The following CERS6 variants were observed in gnomAD, a reference collection of about 807,000 sequenced individuals.
The protein encoded by CERS6 is ceramide synthase 6.
In CERS6, 26 loss-of-function variants were observed where a neutral mutation model predicts 56.8. That is an observed-to-expected ratio of 0.46 (90% confidence interval 0.34 to 0.63). CERS6 has a LOEUF of 0.63. Ranked by LOEUF, CERS6 falls within the 30% of genes least tolerant of loss-of-function variation. The pLI is 0.01. For missense variants in CERS6, 415 were observed against 467.5 expected, an observed-to-expected ratio of 0.89 and a Z score of 1.04; for synonymous variants, 164 against 173.3, an observed-to-expected ratio of 0.95 and a Z score of 0.42.
chr2:168,660,001 G>A (rs1685587617), intron 4 of CERS6, among the ~76,000 whole-genome samples: 1 of 152,192 alleles, frequency 6.6e-6, no homozygotes, highest in Non-Finnish European at 1.5e-5. Flanking sequence ...TACAAACGTG[G>A]AAATGTGCCT....
chr2:168,555,828 A>G (rs996715698), intron 2 of CERS6, among the ~76,000 whole-genome samples: 1 of 151,628 alleles, frequency 6.6e-6, no homozygotes, highest in East Asian at 1.9e-4. Flanking sequence ...TGCTCTCACA[A>G]AAGATTTTGT....
rs113637758 is a variant in CERS6 at position 168,678,871 on chromosome 2, A to C, written c.466-12163A>C. On this transcript the variant is annotated intron_variant, in intron 4 of 9. Coordinates refer to ENST00000305747, the MANE Select transcript of CERS6 (RefSeq NM_203463.3). ...GGAAGGAAATCAGTATGTCAAAGAG[A>C]TATCTGCACTCCCATGTTTATTGCA... 1.4e-4 allele frequency among the ~76,000 whole-genome samples: 21 copies of C among 152,336 alleles called. 1 individual carries two copies. Among genetic ancestry groups the C allele is most frequent in the African/African-American group, 4.8e-4 (20 of 41,574 alleles).
chr2:168,733,857 A>G (rs547462830), intron 8 of CERS6, among the ~76,000 whole-genome samples: 37 of 148,156 alleles, frequency 2.5e-4, no homozygotes, highest in African/African-American at 8.7e-4. Flanking sequence ...TATCGTCAGG[A>G]AAGTTTCTCA....
intron 1 of CERS6, among the ~76,000 whole-genome samples, chr2:168,484,478 C>T (rs926272630): frequency 2.7e-4 from 40 of 148,804 alleles, no homozygotes; most frequent in Non-Finnish European, 5.3e-4. Flanking sequence ...CACTGTGCTT[C>T]GCTTTGTTTT....
intron 1 of CERS6, among the ~76,000 whole-genome samples, chr2:168,538,589 C>A (rs980648436): frequency 2.0e-5 from 3 of 152,162 alleles, no homozygotes; most frequent in Non-Finnish European, 4.4e-5. Context: ...ATTTTTCTCT[C>A]TAGCACTTCT....
In CERS6 at chr2:168,597,237, C is replaced by T. The variant is rs146631576; in HGVS notation, c.408-33748C>T. ...GACAGTCTGGTGGCAGCAGGCTTGA[C>T]AGTAGAGCATTATTTATTATATAAA... On this transcript the variant is annotated intron_variant, in intron 3 of 9. Coordinates refer to ENST00000305747, the MANE Select transcript of CERS6 (RefSeq NM_203463.3). Among the ~76,000 whole-genome samples, 12 of 152,278 alleles carry T rather than the reference C, an allele frequency of 7.9e-5. No homozygotes were observed. The East Asian group carries it at 2.3e-3, about 29-fold the overall frequency.
chr2:168,462,229 T>G (rs1417734827), intron 1 of CERS6, among the ~76,000 whole-genome samples: 1 of 152,220 alleles, frequency 6.6e-6, no homozygotes, highest in Non-Finnish European at 1.5e-5. Flanking sequence ...GATTAATTTC[T>G]TAAACACTTT....
intron 3 of CERS6, among the ~76,000 whole-genome samples, chr2:168,620,335 G>A (rs904431038): frequency 2.6e-5 from 4 of 151,960 alleles, no homozygotes; most frequent in African/African-American, 4.8e-5. Flanking sequence ...TACTGCTTGG[G>A]TGATGGGTGC....
At chr2:168,647,605 T>A (rs1426283371) in intron 4 of CERS6, among the ~76,000 whole-genome samples, 3 of 152,226 alleles carry the variant, frequency 2.0e-5, no homozygotes, top group Admixed American at 2.0e-4. Flanking sequence ...TCAAGGGGAA[T>A]GCTTCCAGCT....
chr2:168,612,898 T>C (rs144592113), intron 3 of CERS6, among the ~76,000 whole-genome samples: 191 of 152,370 alleles, frequency 1.3e-3, no homozygotes, highest in African/African-American at 4.5e-3. Context: ...ACTTTGTGAC[T>C]GCTCTGTCAT....
chr2:168,648,954 T>G (rs1685272058), intron 4 of CERS6, among the ~76,000 whole-genome samples: 1 of 152,194 alleles, frequency 6.6e-6, no homozygotes, highest in African/African-American at 2.4e-5. Context: ...ATGAGGAGAA[T>G]GTATATTCTG....
At chr2:168,614,282 C>A (rs1270328124) in intron 3 of CERS6, among the ~76,000 whole-genome samples, 2 of 152,204 alleles carry the variant, frequency 1.3e-5, no homozygotes, top group Non-Finnish European at 2.9e-5. Context: ...TCATAATATA[C>A]ATATGCATAT....
intron 6 of CERS6, among the ~76,000 whole-genome samples, chr2:168,696,856 C>G (rs1053478245): frequency 6.6e-6 from 1 of 152,196 alleles, no homozygotes; most frequent in African/African-American, 2.4e-5. Context: ...TAGTCCCCAG[C>G]AAGCAAGATA....
intron 1 of CERS6, among the ~76,000 whole-genome samples, chr2:168,498,353 A>C (rs1251591721): frequency 6.6e-6 from 1 of 152,062 alleles, no homozygotes; most frequent in Non-Finnish European, 1.5e-5. Context: ...AAATCTGTAA[A>C]TTTGGAAAGG....
At chr2:168,649,777 T>C (rs1344581731) in intron 4 of CERS6, among the ~76,000 whole-genome samples, 2 of 152,106 alleles carry the variant, frequency 1.3e-5, no homozygotes, top group Non-Finnish European at 1.5e-5. Flanking sequence ...CCCTCTGGGC[T>C]ATCCCAAGTC....
At chr2:168,521,287 G>C (rs543545473) in intron 1 of CERS6, among the ~76,000 whole-genome samples, 51 of 152,276 alleles carry the variant, frequency 3.3e-4, no homozygotes, top group African/African-American at 1.2e-3. Flanking sequence ...TGCTCAGTGT[G>C]GGACAGTGGG....
chr2:168,637,512 T>A (rs75187882), intron 4 of CERS6, among the ~76,000 whole-genome samples: 2,624 of 151,782 alleles, frequency 0.017, 102 homozygotes, highest in East Asian at 0.16. Flanking sequence ...ACAGGAACAC[T>A]AAATATGGAT....
rs538053738 is a variant in CERS6, at chr2:168,773,817, A to C, written c.*4155A>C. 37 of 152,276 alleles carry C rather than the reference A, an allele frequency of 2.4e-4. No individual in the cohort carries two copies. The highest frequency in any genetic ancestry group is 8.9e-4 in the African/African-American group (37 of 41,534). The allele number at this position is 152,276 out of a possible 1,614,324, so 9.4% of individuals were successfully genotyped here. ...TGGCCACATTTTAGTTCTTCATAAT[A>C]ATAGGCCACAAAAGGGCTCTGTGGT... On this transcript the variant is annotated 3_prime_UTR_variant, in exon 10 of 10. Coordinates refer to ENST00000305747, the MANE Select transcript of CERS6 (RefSeq NM_203463.3).
chr2:168,727,484 G>C (rs1007516634), intron 8 of CERS6, among the ~76,000 whole-genome samples: 1 of 151,658 alleles, frequency 6.6e-6, no homozygotes, highest in Non-Finnish European at 1.5e-5. Flanking sequence ...GGGAGGCGAA[G>C]GTTGCAGTGA....
Sources: gnomAD v4.1 joint callset for allele counts (sites outside exome capture counted in the v4.1 genomes callset) on GRCh38, gnomAD v4.1.1 for gene constraint, MANE v1.5 for transcripts, NCBI Gene and HGNC (gene_info 2026-07-23, HGNC 2026-07-21) for gene names.